TRPC5: variants seen among roughly 807,000 people sequenced by gnomAD.
TRPC5 encodes short transient receptor potential channel 5.
A neutral mutation model predicts 56.5 loss-of-function variants in TRPC5; 9 were observed. The ratio of observed to expected loss-of-function variants is 0.16; its 90% CI spans 0.10 to 0.28. The LOEUF (loss-of-function observed/expected upper bound fraction) is 0.28. Among genes scored for constraint, TRPC5 ranks in the 10% least tolerant of loss-of-function variants. The pLI is 1.00. For missense variants in TRPC5, 469 were observed against 748.9 expected, an observed-to-expected ratio of 0.63 and a Z score of 4.36; for synonymous variants, 282 against 278.5, an observed-to-expected ratio of 1.01 and a Z score of -0.13.
intron 2 of TRPC5, among the ~76,000 whole-genome samples, chrX:111,942,062 C>T (rs1006626712): frequency 1.8e-5 from 2 of 112,221 alleles, no homozygotes; most frequent in Non-Finnish European, 3.8e-5. Context: ...CCTCTCTACA[C>T]TGCCATTCTG....
chrX:111,915,668 G>A (rs1234577608), intron 2 of TRPC5, among the ~76,000 whole-genome samples: 1 of 112,049 alleles, frequency 8.9e-6, no homozygotes, highest in Admixed American at 9.4e-5. Context: ...CGTACTTTTT[G>A]CCTCCTTGAT....
intron 3 of TRPC5, among the ~76,000 whole-genome samples, chrX:111,905,746 C>G (rs1166936922): frequency 9.2e-6 from 1 of 109,094 alleles, no homozygotes; most frequent in African/African-American, 3.4e-5. Flanking sequence ...AACCCCGTCT[C>G]TACTAAAAAT....
intron 7 of TRPC5, among the ~76,000 whole-genome samples, chrX:111,788,079 T>C (rs1462656509): frequency 1.8e-5 from 2 of 111,699 alleles, no homozygotes; most frequent in African/African-American, 6.5e-5. Flanking sequence ...CAACATCATA[T>C]TGATACCAAA....
rs182611346 is a variant in TRPC5 at position 112,013,844 on chromosome X, C to T, written c.-21-61403G>A. On this transcript the variant is annotated intron_variant, in intron 1 of 10. Coordinates refer to ENST00000262839, the MANE Select transcript of TRPC5 (RefSeq NM_012471.3). ...ATTGCCAGTCCTCCCTGCAGCCTTG[C>T]ATCTCTTAGTTTTCCAGTACAATTC... 1.7e-3 allele frequency among the ~76,000 whole-genome samples: 186 copies of T among 111,758 alleles called. 3 individuals are homozygous for T. The highest frequency in any genetic ancestry group is 0.015 in the Admixed American group (153 of 10,471).
At chrX:112,063,620 T>C (rs1048332901) in intron 1 of TRPC5, among the ~76,000 whole-genome samples, 4 of 111,829 alleles carry the variant, frequency 3.6e-5, no homozygotes, top group African/African-American at 1.3e-4. Flanking sequence ...AAGACATTTT[T>C]CCCCCCTTTC....
intron 1 of TRPC5, among the ~76,000 whole-genome samples, chrX:112,006,750 G>A (rs1928855082): frequency 8.9e-6 from 1 of 112,070 alleles, no homozygotes; most frequent in African/African-American, 3.2e-5. Flanking sequence ...GGAGGCATCG[G>A]AGAGCCATTA....
At chrX:111,920,488 G>T (rs1299898065) in intron 2 of TRPC5, among the ~76,000 whole-genome samples, 1 of 110,950 alleles carries the variant, frequency 9.0e-6, no homozygotes, top group East Asian at 2.8e-4. Flanking sequence ...AATCAGTACT[G>T]CCTTTTATGG....
chrX:112,050,387 C>A (rs1274854658), intron 1 of TRPC5, among the ~76,000 whole-genome samples: 2 of 112,293 alleles, frequency 1.8e-5, no homozygotes, highest in Admixed American at 9.4e-5. Context: ...GTAATTAATG[C>A]CCTGGTTCCT....
chrX:111,816,343 ATG>A (rs926813578), intron 7 of TRPC5, among the ~76,000 whole-genome samples: 8 of 111,887 alleles, frequency 7.2e-5, no homozygotes, highest in African/African-American at 2.6e-4. Context: ...TATAGAACAC[ATG>A]TGTACTCATA....
At chrX:112,038,525 G>C (rs1262807785) in intron 1 of TRPC5, among the ~76,000 whole-genome samples, 1 of 111,989 alleles carries the variant, frequency 8.9e-6, no homozygotes, top group African/African-American at 3.2e-5. Flanking sequence ...TAGGTGTTCT[G>C]TTATCTTTGT....
At chrX:111,950,620 C>A (rs894405585) in intron 2 of TRPC5, among the ~76,000 whole-genome samples, 6 of 111,836 alleles carry the variant, frequency 5.4e-5, no homozygotes, top group Non-Finnish European at 1.1e-4. Context: ...AGAACTTACT[C>A]ATGTAACCAA....
chrX:112,008,417 C>T (rs185908703), intron 1 of TRPC5, among the ~76,000 whole-genome samples: 2 of 110,549 alleles, frequency 1.8e-5, no homozygotes, highest in Admixed American at 9.6e-5. Flanking sequence ...CAGTGAAACC[C>T]CATCTCTACT....
chrX:111,926,321 G>A (rs1376473829), intron 2 of TRPC5, among the ~76,000 whole-genome samples: 2 of 111,671 alleles, frequency 1.8e-5, no homozygotes, highest in African/African-American at 6.5e-5. Context: ...TTTTTGGTGG[G>A]ATGTTGAGTT....
rs192157389 is a variant in TRPC5 at position 112,055,689 on chromosome X, G to A, written c.-22+26190C>T. Among the ~76,000 whole-genome samples the A allele has an allele frequency of 7.4e-3, 801 of 108,170 alleles. 4 individuals carry two copies. The highest frequency in any genetic ancestry group is 0.025 in the African/African-American group (764 of 30,064). The allele number at this position is 108,170 out of a possible 115,157, so 93.9% of individuals were successfully genotyped here. A position where few individuals can be genotyped will look rare whatever the true frequency, so the allele number is the denominator to read the frequency against. ...ATTTTCCTTTTTGCCTGTGTTAAAG[G>A]AATTTTGTGTGTTTCTAGTACAGTA... On this transcript the variant is annotated intron_variant, in intron 1 of 10. Transcript: ENST00000262839.
chrX:112,074,378 A>G (rs1040155420), intron 1 of TRPC5, among the ~76,000 whole-genome samples: 3 of 109,847 alleles, frequency 2.7e-5, no homozygotes, highest in Non-Finnish European at 5.7e-5. Flanking sequence ...CGCAAGGACA[A>G]AAAGCCTAAA....
Position 112,059,266 on chromosome X carries a change from G to C in TRPC5, c.-22+22613C>G, listed in dbSNP as rs145229587. Among the ~76,000 whole-genome samples, 398 of 111,678 alleles carry C rather than the reference G, an allele frequency of 3.6e-3. 2 individuals are homozygous for C. The highest frequency in any genetic ancestry group is 0.012 in the African/African-American group (373 of 30,750). On this transcript the variant is annotated intron_variant, in intron 1 of 10. Coordinates refer to ENST00000262839, the MANE Select transcript of TRPC5 (RefSeq NM_012471.3). ...AATGAAGCCCATTCTGCCTCTCTGGGTGGTTATTCAGCATTAATGAAATGT... is the reference window on the plus strand; with the variant it reads ...AATGAAGCCCATTCTGCCTCTCTGGCTGGTTATTCAGCATTAATGAAATGT...
At chrX:111,975,623 G>C (rs1431171274) in intron 1 of TRPC5, among the ~76,000 whole-genome samples, 2 of 111,334 alleles carry the variant, frequency 1.8e-5, no homozygotes, top group African/African-American at 3.3e-5. Context: ...ACAGCCGGGC[G>C]TGGGGGCTCA....
intron 2 of TRPC5, among the ~76,000 whole-genome samples, chrX:111,918,930 G>A: frequency 9.0e-6 from 1 of 111,041 alleles, no homozygotes; most frequent in South Asian, 3.9e-4. Context: ...TGGCTGCATT[G>A]TCCACATGGG....
chrX:112,001,776 A>G lies in TRPC5; in HGVS notation c.-21-49335T>C, dbSNP rs186564021. Among the ~76,000 whole-genome samples, 503 of 111,987 alleles carry G rather than the reference A, an allele frequency of 4.5e-3. 2 individuals carry two copies. The highest frequency in any genetic ancestry group is 6.9e-3 in the Non-Finnish European group (368 of 53,168). ...ACTCTGACTGAAAACAAAACAAAAC[A>G]AAAAGTGAACTCAAATTAGATGGAG... On this transcript the variant is annotated intron_variant, in intron 1 of 10. Coordinates refer to ENST00000262839, the MANE Select transcript of TRPC5 (RefSeq NM_012471.3).
Sources: allele counts gnomAD v4.1 joint callset (sites outside exome capture counted in the v4.1 genomes callset), GRCh38; gene constraint gnomAD v4.1.1; transcripts MANE v1.5; gene names NCBI Gene and HGNC (gene_info 2026-07-23, HGNC 2026-07-21).